The following ZSCAN18 variants were observed in gnomAD, a reference collection of about 807,000 sequenced individuals.
ZSCAN18 encodes the protein zinc finger and SCAN domain containing 18.
Under a neutral mutation model 31.1 loss-of-function variants are expected in ZSCAN18, and 16 were observed. The ratio of observed to expected loss-of-function variants is 0.51; its 90% CI spans 0.35 to 0.78. The LOEUF (loss-of-function observed/expected upper bound fraction) is 0.78, where lower values mean the gene tolerates loss of function less well. Among genes scored for constraint, ZSCAN18 ranks in the 30% least tolerant of loss-of-function variants. ZSCAN18 has a pLI of 0.01. For missense variants in ZSCAN18, 731 were observed against 697.4 expected, an observed-to-expected ratio of 1.05 and a Z score of -0.54; for synonymous variants, 375 against 320.7, an observed-to-expected ratio of 1.17 and a Z score of -1.81.
intron 3 of ZSCAN18, chr19:58,088,448 T>C (rs901316017): frequency 2.3e-5 from 11 of 477,414 alleles, no homozygotes; most frequent in African/African-American, 3.8e-5. Flanking sequence ...TTCTTTTCTT[T>C]ATGTATTGAT....
chr19:58,102,392 C>T (rs146566419), upstream of ZSCAN18, among the ~76,000 whole-genome samples: 489 of 152,154 alleles, frequency 3.2e-3, 2 homozygotes, highest in Non-Finnish European at 5.8e-3. Context: ...ACCCGGGAGG[C>T]AGAGCTTGCA....
rs1418866650 is a variant in ZSCAN18 at position 58,084,968 on chromosome 19, T to A, written c.1250A>T (p.Glu417Val). The part of the protein sequence containing the change: ...LSRGKPYACG[E>V]CGEAFAWLSH... ...GAGCCACGCGAAGGCCTCCCCGCAC[T>A]CGCCGCAGGCATAGGGCTTCCCGCG... The change falls in exon 7 of 7, where the codon GAG becomes GTG. Residue 417 changes from glutamate to valine, a missense_variant. Physicochemically the swap from Glu to Val is moderately radical, Grantham distance 121. Transcript: ENST00000601144. This position sits in a 1 kb window ranked among gnomAD's most constrained non-coding sequence, Gnocchi z 4.5. The A allele has an allele frequency of 3.1e-6, 5 of 1,599,422 alleles. No homozygotes were observed. In the African/African-American group the frequency reaches 6.7e-5, roughly 21 times the overall value.
upstream of ZSCAN18, among the ~76,000 whole-genome samples, chr19:58,100,492 G>C (rs1568640949): frequency 2.0e-5 from 3 of 152,274 alleles, no homozygotes; most frequent in Admixed American, 1.3e-4. Context: ...GGTCCCACTG[G>C]AGTCACCTCA....
At chr19:58,094,978 T>C (rs902012476) in intron 1 of ZSCAN18, among the ~76,000 whole-genome samples, 1 of 148,782 alleles carries the variant, frequency 6.7e-6, no homozygotes, top group Non-Finnish European at 1.5e-5. Flanking sequence ...GACCCCTTAA[T>C]CCCAGGAGTT....
upstream of ZSCAN18, among the ~76,000 whole-genome samples, chr19:58,101,125 CTTTTTTTTTTTTTT>C (rs71188077): frequency 1.6e-5 from 2 of 127,344 alleles, no homozygotes; most frequent in South Asian, 2.4e-4. Flanking sequence ...ATTCCTCCCA[CTTTTTTTTTTTTTT>C]TTTTTTTTTT....
chr19:58,118,280 T>A lies in ZSCAN18; in HGVS notation c.117A>T (p.Pro39=), dbSNP rs1018651713. ...CCTTGACCCCACCCTCACTAGGCCT[T>A]GGCTCCGCGACCGGTGGGCGGGAAC... The change falls in exon 1 of 2, where the codon CCA becomes CCT. Residue 39 remains proline, a synonymous_variant. Coordinates refer to the ZSCAN18 transcript ENST00000595721. The A allele has an allele frequency of 3.4e-6, 5 of 1,488,832 alleles. No homozygotes were observed. In the African/African-American group the frequency reaches 7.2e-5, roughly 21 times the overall value. 92.2% of individuals were successfully genotyped at this position (1,488,832 alleles called of 1,614,324 possible). A position where few individuals can be genotyped will look rare whatever the true frequency, so the allele number is the denominator to read the frequency against.
At chr19:58,118,420 G>A, upstream of ZSCAN18, 1 of 1,471,838 alleles carries the variant, frequency 6.8e-7, no homozygotes, top group South Asian at 1.3e-5. Flanking sequence ...TCCCGGATGC[G>A]ATATTCCGGT....
intron 3 of ZSCAN18, 161 bp downstream of exon 3, chr19:58,088,527 G>T: frequency 1.5e-6 from 1 of 649,548 alleles, no homozygotes; most frequent in Non-Finnish European, 2.6e-6. Flanking sequence ...AATAAACAAT[G>T]TCTAACATTC....
At chr19:58,099,387 A>C (rs1319143869), upstream of ZSCAN18, among the ~76,000 whole-genome samples, 2 of 152,176 alleles carry the variant, frequency 1.3e-5, no homozygotes, top group African/African-American at 4.8e-5. Flanking sequence ...TTTTTCACTG[A>C]ACATAATTCC....
At position 58,090,690 on chromosome 19, in the gene ZSCAN18, A is replaced by T. The variant is rs1316219490; in HGVS notation, c.-119-304T>A. ...ATGCAACCTCTACCTCCCGGGTTCA[A>T]GCGAGTCTCCTGCCTCAGTCTCTCC... On this transcript the variant is annotated intron_variant, in intron 1 of 6. Transcript: ENST00000601144. The surrounding 1 kb of genome is among the most constrained non-coding windows in gnomAD (Gnocchi z 4.7). 4.3e-6 allele frequency: 1 copy of T among 235,068 alleles called. No homozygotes were observed. The highest frequency in any genetic ancestry group is 2.3e-5 in the African/African-American group (1 of 44,048). The allele number at this position is 235,068 out of a possible 1,614,324, so 14.6% of individuals were successfully genotyped here.
At chr19:58,118,380 C>G in exon 1 of ZSCAN18, 1 of 1,530,848 alleles carries the variant, frequency 6.5e-7, no homozygotes, top group Non-Finnish European at 8.8e-7. Flanking sequence ...GTCAGCTCGC[C>G]CTCCGACTCT....
chr19:58,087,304 G>T lies in ZSCAN18; in HGVS notation c.642+12C>A. On this transcript the variant is annotated intron_variant, in intron 4 of 6. Coordinates refer to ENST00000601144, the MANE Select transcript of ZSCAN18 (RefSeq NM_001145543.2). ...GCCAAGGCCCCTCACCCACCTGCTC[G>T]TGCCCACCCACCTGCTCGGTGTTGG... The T allele has an allele frequency of 6.3e-7, 1 of 1,596,762 alleles. No individual in the cohort carries two copies. The highest frequency in any genetic ancestry group is 8.5e-7 in the Non-Finnish European group (1 of 1,171,194).
intron 4 of ZSCAN18, 94 bp downstream of exon 4, chr19:58,087,222 G>T: frequency 7.5e-7 from 1 of 1,337,124 alleles, no homozygotes. Flanking sequence ...TGGACGTTTG[G>T]GGCCACAGCC....
chr19:58,108,017 C>A (rs929347177), intron 1 of ZSCAN18: 1 of 1,024,586 alleles, frequency 9.8e-7, no homozygotes, highest in Non-Finnish European at 1.2e-6. Context: ...CAGACCTTCT[C>A]ACCAGTATGA....
Position 58,084,774 on chromosome 19 carries a change from G to C in ZSCAN18, c.1444C>G (p.Arg482Gly). The C allele has an allele frequency of 6.3e-7, 1 of 1,575,216 alleles. No individual in the cohort carries two copies. Among genetic ancestry groups the C allele is most frequent in the African/African-American group, 1.3e-5 (1 of 74,164 alleles). Residue 482 changes from arginine (R) to glycine (G), a missense_variant, in exon 7 of 7, where the codon CGC (arginine) becomes GGC (glycine). Coordinates refer to ENST00000601144, the MANE Select transcript of ZSCAN18 (RefSeq NM_001145543.2). The surrounding 1 kb of genome is among the most constrained non-coding windows in gnomAD (Gnocchi z 4.5). ...GCCCTAGCCCCCGCCTGGGCTTCGC[G>C]GGTGGACGGTTGGGGGCCCCGGGCG... ...GGARGPQPST[R>G]EAQAGARAGG...
At chr19:58,111,666 G>C (rs1158543534) in intron 1 of ZSCAN18, among the ~76,000 whole-genome samples, 1 of 151,980 alleles carries the variant, frequency 6.6e-6, no homozygotes. Context: ...TGCCCAGCAT[G>C]TACCAAACAA....
chr19:58,094,091 G>A (rs559005084), intron 1 of ZSCAN18, among the ~76,000 whole-genome samples: 20 of 151,942 alleles, frequency 1.3e-4, no homozygotes, highest in Middle Eastern at 3.4e-3. Flanking sequence ...ATTGGACTTC[G>A]GAGTTCAGAA....
In ZSCAN18 at chr19:58,084,505, G is replaced by A. The variant is rs1195480260; in HGVS notation, c.*180C>T. 3.4e-6 allele frequency: 2 copies of A among 589,604 alleles called. No individual in the cohort carries two copies. The highest frequency in any genetic ancestry group is 5.5e-6 in the Non-Finnish European group (2 of 364,532). 36.5% of individuals were successfully genotyped at this position (589,604 alleles called of 1,614,324 possible). A position where few individuals can be genotyped will look rare whatever the true frequency, so the allele number is the denominator to read the frequency against. On this transcript the variant is annotated 3_prime_UTR_variant, in exon 7 of 7. Coordinates refer to ENST00000601144, the MANE Select transcript of ZSCAN18 (RefSeq NM_001145543.2). The surrounding 1 kb of genome is among the most constrained non-coding windows in gnomAD (Gnocchi z 4.5). Reference sequence around the variant, plus strand: ...CCAGGGTGTGTTTACAGAGGTGAGGGCTTCCCGTGGACCCTTCTCGTTGGG... The same window carrying A: ...CCAGGGTGTGTTTACAGAGGTGAGGACTTCCCGTGGACCCTTCTCGTTGGG...
At chr19:58,116,212 A>C (rs1012600230) in intron 1 of ZSCAN18, among the ~76,000 whole-genome samples, 5 of 146,426 alleles carry the variant, frequency 3.4e-5, no homozygotes, top group South Asian at 2.3e-4. Context: ...AAAAACCCCC[A>C]AAAAACGGCC....
Sources: gnomAD v4.1 joint callset for allele counts (sites outside exome capture counted in the v4.1 genomes callset) on GRCh38, gnomAD v4.1.1 for gene constraint, Gnocchi (gnomAD v3.1) non-coding constraint, MANE v1.5 for transcripts, NCBI Gene and HGNC (gene_info 2026-07-23, HGNC 2026-07-21) for gene names.